The following CPLANE1 variants were observed in gnomAD, a reference collection of about 807,000 sequenced individuals.
CPLANE1 encodes the protein ciliogenesis and planar polarity effector complex subunit 1, also known as ciliogenesis and planar polarity effector 1.
A neutral mutation model predicts 362.5 loss-of-function variants in CPLANE1; 263 were observed. The observed-to-expected ratio is 0.73, with a 90% CI of 0.66 to 0.80. CPLANE1 has a LOEUF of 0.80. Among genes scored for constraint, CPLANE1 ranks in the 30% least tolerant of loss-of-function variants. The pLI, the probability that CPLANE1 is intolerant of heterozygous loss-of-function variation, is 0.00. For missense variants in CPLANE1, 3,461 were observed against 3,793.4 expected (o/e 0.91, Z 2.30); for synonymous variants, 1,212 against 1,302.6 (o/e 0.93, Z 1.50).
downstream of CPLANE1, among the ~76,000 whole-genome samples, chr5:37,101,862 T>C (rs182226659): frequency 2.1e-3 from 326 of 152,308 alleles, 1 homozygote; most frequent in African/African-American, 7.3e-3. Flanking sequence ...TATCTATTTC[T>C]TCCAGATTTT....
At chr5:37,129,917 C>T (rs181596138) in intron 46 of CPLANE1, among the ~76,000 whole-genome samples, 1 of 152,288 alleles carries the variant, frequency 6.6e-6, no homozygotes, top group East Asian at 1.9e-4. Flanking sequence ...GAAAAGAAGT[C>T]ATTATATGAA....
At chr5:37,240,480 A>G (rs1368824893) in intron 6 of CPLANE1, among the ~76,000 whole-genome samples, 1 of 152,206 alleles carries the variant, frequency 6.6e-6, no homozygotes, top group Non-Finnish European at 1.5e-5. Context: ...CCACGGCAGA[A>G]AGGAAATGGG....
At chr5:37,146,380 T>C (rs1196627445) in intron 43 of CPLANE1, among the ~76,000 whole-genome samples, 2 of 152,114 alleles carry the variant, frequency 1.3e-5, no homozygotes, top group African/African-American at 4.8e-5. Context: ...GGTTTCACCA[T>C]ATTGGCCAGG....
At chr5:37,191,203 T>G (rs1785456509) in intron 21 of CPLANE1, among the ~76,000 whole-genome samples, 2 of 151,852 alleles carry the variant, frequency 1.3e-5, no homozygotes, top group Admixed American at 6.6e-5. Flanking sequence ...AAAAAAAAGT[T>G]TAAACAGTAA....
chr5:37,186,811 G>A (rs531987294), intron 23 of CPLANE1, among the ~76,000 whole-genome samples: 1 of 152,220 alleles, frequency 6.6e-6, no homozygotes, highest in South Asian at 2.1e-4. Context: ...TGTAATCCCA[G>A]CACTTTGGGA....
chr5:37,211,948 T>G, intron 16 of CPLANE1: 1 of 828,290 alleles, frequency 1.2e-6, no homozygotes, highest in South Asian at 1.3e-5. Context: ...GCTGTGCCCC[T>G]CTCATATCAG....
chr5:37,104,345 C>T (rs936511440), downstream of CPLANE1, among the ~76,000 whole-genome samples: 3 of 152,158 alleles, frequency 2.0e-5, no homozygotes, highest in Non-Finnish European at 4.4e-5. Flanking sequence ...TGCCTGTAAT[C>T]CCAGCACTTT....
chr5:37,201,452 G>C, intron 19 of CPLANE1, 139 bp downstream of exon 19: 1 of 662,492 alleles, frequency 1.5e-6, no homozygotes, highest in Non-Finnish European at 2.5e-6. Context: ...TATACAATTA[G>C]TGAACAGCAA....
intron 41 of CPLANE1, among the ~76,000 whole-genome samples, chr5:37,156,492 C>G (rs113630894): frequency 6.6e-6 from 1 of 151,964 alleles, no homozygotes; most frequent in Non-Finnish European, 1.5e-5. Flanking sequence ...GTAATCCTAG[C>G]TACTTAGGAG....
At position 37,186,352 on chromosome 5, in the gene CPLANE1, C is replaced by A; in HGVS notation, c.4123G>T (p.Val1375Leu). The change falls in exon 24 of 53, where the codon GTG (valine) becomes TTG (leucine). Residue 1375 changes from valine to leucine, a missense_variant. Around this residue, in one of 2 missense-constraint regions of CPLANE1, gnomAD observed 3,380 missense variants for 3,666.1 expected, o/e 0.92. Coordinates refer to ENST00000651892, the MANE Select transcript of CPLANE1 (RefSeq NM_001384732.1). ...TATTTGTCTCTTAAAGGAACCCTCACGTCCTCAGGATAGGGAAATGCTTTC... is the reference window on the plus strand; with the variant it reads ...TATTTGTCTCTTAAAGGAACCCTCAAGTCCTCAGGATAGGGAAATGCTTTC... ...FVKAFPYPEDVRVPLRDKYHS... is the reference protein window; with the variant it reads ...FVKAFPYPEDLRVPLRDKYHS... 2.5e-6 allele frequency: 4 copies of A among 1,606,498 alleles called. No individual in the cohort carries two copies. Among genetic ancestry groups the A allele is most frequent in the Non-Finnish European group, 2.6e-6 (3 of 1,173,468 alleles).
At chr5:37,150,416 T>C (rs1479587846) in intron 42 of CPLANE1, among the ~76,000 whole-genome samples, 6 of 152,166 alleles carry the variant, frequency 3.9e-5, no homozygotes, top group Non-Finnish European at 8.8e-5. Flanking sequence ...AGCCCAGTTG[T>C]AGCTCCTCAG....
At chr5:37,217,443 T>A (rs1463268163) in intron 15 of CPLANE1, among the ~76,000 whole-genome samples, 1 of 150,950 alleles carries the variant, frequency 6.6e-6, no homozygotes, top group Non-Finnish European at 1.5e-5. Flanking sequence ...CCGTCTCTAC[T>A]AAAAATACAA....
chr5:37,124,310 T>C (rs1396156923), intron 47 of CPLANE1, among the ~76,000 whole-genome samples: 1 of 152,082 alleles, frequency 6.6e-6, no homozygotes, highest in Non-Finnish European at 1.5e-5. Context: ...TTCATAGTAA[T>C]GTGACTATCA....
chr5:37,217,995 A>C (rs1157769502), intron 15 of CPLANE1, among the ~76,000 whole-genome samples: 1 of 152,060 alleles, frequency 6.6e-6, no homozygotes, highest in African/African-American at 2.4e-5. Flanking sequence ...AATAAAAATA[A>C]AAATAAAAAT....
chr5:37,080,707 C>CA, the CPLANE1 span, among the ~76,000 whole-genome samples: 1 of 152,164 alleles, frequency 6.6e-6, no homozygotes, highest in Non-Finnish European at 1.5e-5. Context: ...GCTGGAGTCC[C>CA]AGCCCAGCTA....
intron 46 of CPLANE1, 60 bp from the exon 47 acceptor site, chr5:37,125,469 T>C: frequency 6.7e-7 from 1 of 1,481,604 alleles, no homozygotes; most frequent in Non-Finnish European, 9.3e-7. Context: ...AGATAAGATA[T>C]ATCATGACTA....
At chr5:37,201,181 C>T (rs971747571) in intron 19 of CPLANE1, among the ~76,000 whole-genome samples, 1 of 152,122 alleles carries the variant, frequency 6.6e-6, no homozygotes, top group Non-Finnish European at 1.5e-5. Context: ...TAATGTATGG[C>T]TTCTAATTCT....
chr5:37,225,113 AG>A (rs571773538), intron 12 of CPLANE1, among the ~76,000 whole-genome samples: 107 of 151,896 alleles, frequency 7.0e-4, no homozygotes, highest in African/African-American at 2.5e-3. Context: ...CTCTGTTGCC[AG>A]GCTGAATTGC....
At chr5:37,120,802 T>A (rs948106421) in intron 49 of CPLANE1, among the ~76,000 whole-genome samples, 5 of 152,212 alleles carry the variant, frequency 3.3e-5, no homozygotes, top group Non-Finnish European at 7.3e-5. Context: ...AATCCCTGCT[T>A]TATTCTAGAA....
Sources: allele counts gnomAD v4.1 joint callset (sites outside exome capture counted in the v4.1 genomes callset), GRCh38; gene constraint gnomAD v4.1.1; regional missense constraint gnomAD v4.1.1; transcripts MANE v1.5; gene names NCBI Gene and HGNC (gene_info 2026-07-23, HGNC 2026-07-21).